The following RBM26 variants were observed in gnomAD, a reference collection of about 807,000 sequenced individuals.
The protein encoded by RBM26 is RNA-binding protein 26.
RBM26 carries 30 observed loss-of-function variants against 123.6 expected under a neutral mutation model. The observed-to-expected ratio is 0.24, with a 90% CI of 0.18 to 0.33. RBM26 has a LOEUF of 0.33. Ranked by LOEUF, RBM26 falls within the 10% of genes least tolerant of loss-of-function variation. The pLI, the probability that RBM26 is intolerant of heterozygous loss-of-function variation, is 1.00. For synonymous variants in RBM26, 400 were observed against 404.4 expected (o/e 0.99, Z 0.13); for missense variants, 947 against 1,203.6 (o/e 0.79, Z 3.15).
intron 1 of RBM26, among the ~76,000 whole-genome samples, chr13:79,398,805 C>G (rs950143342): frequency 6.6e-6 from 1 of 152,142 alleles, no homozygotes; most frequent in African/African-American, 2.4e-5. Flanking sequence ...CTTCAAATAG[C>G]TCACATATCT....
chr13:79,394,592 G>C (rs1475985541), intron 1 of RBM26, among the ~76,000 whole-genome samples: 16 of 152,056 alleles, frequency 1.1e-4, no homozygotes, highest in Admixed American at 1.0e-3. Flanking sequence ...GGTCATATTT[G>C]AACAAAAGGA....
At chr13:79,354,197 A>T (rs1216478001) in intron 13 of RBM26, among the ~76,000 whole-genome samples, 4 of 152,100 alleles carry the variant, frequency 2.6e-5, no homozygotes, top group Non-Finnish European at 5.9e-5. Flanking sequence ...TCTTTCTCAT[A>T]AATATTAACT....
At position 79,405,845 on chromosome 13, in the gene RBM26, C is replaced by G. The variant is rs1017879567; in HGVS notation, c.-71G>C. ...CGCGGCCGCTACAGCCGCCGCTGCC[C>G]CCGCCCCCTCCTCCGCGCGCCGCCC... On this transcript the variant is annotated 5_prime_UTR_variant, in exon 1 of 22. Transcript: ENST00000438737. 14 of 927,034 alleles carry G rather than the reference C, an allele frequency of 1.5e-5. No individual in the cohort carries two copies. The highest frequency in any genetic ancestry group is 1.9e-5 in the Non-Finnish European group (13 of 677,774). The allele number at this position is 927,034 out of a possible 1,614,324, so 57.4% of individuals were successfully genotyped here.
downstream of RBM26, among the ~76,000 whole-genome samples, chr13:79,316,743 ATAAG>A (rs948370590): frequency 3.6e-4 from 55 of 151,932 alleles, no homozygotes; most frequent in African/African-American, 1.3e-3. Flanking sequence ...ATTGGGTGAA[ATAAG>A]TAAAACGACA....
chr13:79,337,529 T>C (rs1053019701), intron 18 of RBM26, among the ~76,000 whole-genome samples: 5 of 152,230 alleles, frequency 3.3e-5, no homozygotes, highest in Admixed American at 2.0e-4. Flanking sequence ...AATTACTAAA[T>C]GTGCCTTTTT....
intron 2 of RBM26, among the ~76,000 whole-genome samples, chr13:79,378,479 G>A (rs1056061725): frequency 9.9e-5 from 15 of 151,716 alleles, no homozygotes; most frequent in Non-Finnish European, 1.3e-4. Flanking sequence ...TCACTTTGTC[G>A]CCCAGGCTGG....
chr13:79,388,535 G>C (rs1456855766), intron 1 of RBM26, among the ~76,000 whole-genome samples: 7 of 152,176 alleles, frequency 4.6e-5, no homozygotes, highest in African/African-American at 1.7e-4. Flanking sequence ...ACAGAGGCTA[G>C]GTGGATTCAA....
At chr13:79,352,979 A>T (rs2073465079) in intron 14 of RBM26, among the ~76,000 whole-genome samples, 174 bp downstream of exon 14, 1 of 151,056 alleles carries the variant, frequency 6.6e-6, no homozygotes, top group Admixed American at 6.6e-5. Flanking sequence ...CTGATGCAAA[A>T]GTAAAAAAAG....
chr13:79,351,809 T>C (rs910045237), intron 14 of RBM26, among the ~76,000 whole-genome samples: 1 of 152,130 alleles, frequency 6.6e-6, no homozygotes, highest in South Asian at 2.1e-4. Context: ...AAAGTTTCTA[T>C]AATGAATTAA....
In RBM26 at chr13:79,342,736, G is replaced by C. The variant is rs372667365; in HGVS notation, c.2355C>G (p.Thr785=). 6.2e-7 allele frequency: 1 copy of C among 1,611,042 alleles called. No individual in the cohort carries two copies. The highest frequency in any genetic ancestry group is 1.3e-5 in the African/African-American group (1 of 74,720). The change falls in exon 17 of 22, where the codon ACC becomes ACG. Residue 785 remains threonine, a synonymous_variant. Coordinates refer to ENST00000438737, the MANE Select transcript of RBM26 (RefSeq NM_001366735.2). ...CAGCTTTGACCTCATCTTTCAACTTGGTAATATTTTTTGTCAAAACCTCTA... is the reference window on the plus strand; with the variant it reads ...CAGCTTTGACCTCATCTTTCAACTTCGTAATATTTTTTGTCAAAACCTCTA... The part of the protein sequence containing the change: ...KTLEVLTKNI[T]KLKDEVKAAS...
intron 3 of RBM26, among the ~76,000 whole-genome samples, chr13:79,373,852 T>C (rs2076397456): frequency 6.7e-6 from 1 of 149,058 alleles, no homozygotes. Flanking sequence ...TCCATTCACA[T>C]TATATAGCTA....
At chr13:79,335,337 T>G (rs7988784) in intron 19 of RBM26, among the ~76,000 whole-genome samples, 72,568 of 151,800 alleles carry the variant, frequency 0.48, 17,930 homozygotes, top group East Asian at 0.72. Context: ...TAAAGGTATC[T>G]ACCTCACAGG....
Position 79,322,358 on chromosome 13 carries a change from A to T in RBM26, c.2925T>A (p.Asp975Glu). 1 of 1,564,670 alleles carries T rather than the reference A, an allele frequency of 6.4e-7. No homozygotes were observed. Among genetic ancestry groups the T allele is most frequent in the Non-Finnish European group, 8.6e-7 (1 of 1,157,170 alleles). The part of the protein sequence containing the change: ...SAVETEEVEP[D>E]EEEFQEESLV... ...AAAAAAAATAACATACTTCTTCTTCATCAGGCTCAACTTCTTCTGTTTCAA... is the reference window on the plus strand; with the variant it reads ...AAAAAAAATAACATACTTCTTCTTCTTCAGGCTCAACTTCTTCTGTTTCAA... The change falls in exon 21 of 22, where the codon GAT becomes GAA. Residue 975 changes from aspartate (D) to glutamate (E), a missense_variant. Transcript: ENST00000438737.
chr13:79,318,869 T>C lies in RBM26; in HGVS notation c.*1752A>G. The C allele has an allele frequency of 1.0e-6, 1 of 978,250 alleles. No homozygotes were observed. The highest frequency in any genetic ancestry group is 1.2e-6 in the Non-Finnish European group (1 of 823,590). 60.6% of individuals were successfully genotyped at this position (978,250 alleles called of 1,614,324 possible). On this transcript the variant is annotated 3_prime_UTR_variant, in exon 22 of 22. Transcript: ENST00000438737. ...CGTGAGCCTCTGCCAATTTGGCACC[T>C]TTCACGACTACTAAAAAGAAAAGAA...
rs2073496177 is a variant in RBM26 at position 79,353,153 on chromosome 13, C to A, written c.2058G>T (p.Lys686Asn). ...AAACACATCATGCTATTCTTCTTACCTTTTCAGTTGCTGAAACAGATGGCT... is the reference window on the plus strand; with the variant it reads ...AAACACATCATGCTATTCTTCTTACATTTTCAGTTGCTGAAACAGATGGCT... ...VSKPSVSATEKVLSTSTGLTK... is the reference protein window; with the variant it reads ...VSKPSVSATENVLSTSTGLTK... Residue 686 changes from lysine (K) to asparagine (N), a missense_variant and splice_region_variant, in exon 14 of 22, where the codon AAG becomes AAT. Lys to Asn is a moderately conservative substitution (Grantham distance 94, BLOSUM62 0). This residue lies in a region of RBM26 where 493 missense variants were observed against 563.1 expected (regional missense o/e 0.88). Transcript: ENST00000438737. The A allele has an allele frequency of 6.3e-7, 1 of 1,576,984 alleles. No individual in the cohort carries two copies.
intron 20 of RBM26, among the ~76,000 whole-genome samples, chr13:79,332,764 A>G (rs1194833540): frequency 2.0e-5 from 3 of 152,148 alleles, no homozygotes; most frequent in Non-Finnish European, 4.4e-5. Flanking sequence ...ATTAATTTTG[A>G]AAAATACATT....
At chr13:79,326,194 T>C (rs1234316817) in intron 20 of RBM26, among the ~76,000 whole-genome samples, 1 of 152,232 alleles carries the variant, frequency 6.6e-6, no homozygotes, top group South Asian at 2.1e-4. Context: ...TTCTGAACTG[T>C]ATTGTACTAC....
At position 79,333,877 on chromosome 13, in the gene RBM26, G is replaced by A. The variant is rs188813945; in HGVS notation, c.2820+467C>T. Among the ~76,000 whole-genome samples the A allele has an allele frequency of 1.5e-4, 23 of 152,298 alleles. 1 individual carries two copies. Among genetic ancestry groups the A allele is most frequent in the Non-Finnish European group, 2.5e-4 (17 of 68,020 alleles). On this transcript the variant is annotated intron_variant, in intron 20 of 21. Transcript: ENST00000438737. Reference sequence around the variant, plus strand: ...ATAGAAGTCTAGTTGGGGCTATGCTGAACTAGGGACACTTCTTTTAGAGTT... The same window carrying A: ...ATAGAAGTCTAGTTGGGGCTATGCTAAACTAGGGACACTTCTTTTAGAGTT...
At position 79,375,297 on chromosome 13, in the gene RBM26, C is replaced by A. The variant is rs376324072; in HGVS notation, c.327+2082G>T. On this transcript the variant is annotated intron_variant, in intron 3 of 21. Coordinates refer to ENST00000438737, the MANE Select transcript of RBM26 (RefSeq NM_001366735.2). ...AAGCGATTCTCCTGTCTCAGCTTCT[C>A]GAGTAACTGGGATTACAGGCACCTG... Among the ~76,000 whole-genome samples the A allele has an allele frequency of 1.5e-4, 23 of 150,142 alleles. No individual in the cohort carries two copies. The Admixed American group carries it at 1.5e-3, about 10-fold the overall frequency.
Sources: allele counts gnomAD v4.1 joint callset (sites outside exome capture counted in the v4.1 genomes callset), GRCh38; gene constraint gnomAD v4.1.1; regional missense constraint gnomAD v4.1.1; transcripts MANE v1.5; gene names NCBI Gene and HGNC (gene_info 2026-07-23, HGNC 2026-07-21).